NOS3: variants seen among roughly 807,000 people sequenced by gnomAD.
The protein encoded by NOS3 is NOS type III.
Under a neutral mutation model 144.9 loss-of-function variants are expected in NOS3, and 98 were observed. The observed-to-expected ratio is 0.68, with a 90% CI of 0.57 to 0.80. The LOEUF (loss-of-function observed/expected upper bound fraction) is 0.80, where lower values mean the gene tolerates loss of function less well. NOS3 is among the 30% of genes least tolerant of loss of function. The probability of loss-of-function intolerance (pLI) is 0.00; values close to 1 mark genes in which losing one functional copy is unlikely to be tolerated. For synonymous variants in NOS3, 714 were observed against 702.4 expected (o/e 1.02, Z -0.26); for missense variants, 1,465 against 1,656.4 (o/e 0.88, Z 2.01).
chr7:150,994,391 A>G (rs1012458416), intron 2 of NOS3, among the ~76,000 whole-genome samples: 2 of 152,226 alleles, frequency 1.3e-5, no homozygotes, highest in African/African-American at 2.4e-5. Flanking sequence ...CAGTGGTTAC[A>G]GGAGTGAGAA....
At position 151,002,282 on chromosome 7, in the gene NOS3, G is replaced by T; in HGVS notation, c.1730G>T (p.Gly577Val). Residue 577 changes from glycine to valine, a missense_variant, in exon 14 of 27, where the codon GGG becomes GTG. By Grantham distance (109) the Gly-to-Val change is moderately radical. Around this residue, in one of 5 missense-constraint regions of NOS3, gnomAD observed 745 missense variants for 853.9 expected, o/e 0.87. Coordinates refer to ENST00000297494, the MANE Select transcript of NOS3 (RefSeq NM_000603.5). The surrounding 1 kb of genome is among the most constrained non-coding windows in gnomAD (Gnocchi z 4.1). ...VLVVTSTFGN[G>V]DPPENGESFA... is the part of the protein sequence containing the mutation. Reference sequence around the variant, plus strand: ...GTGGTAACCAGCACATTTGGGAATGGGGATCCCCCGGAGAATGGAGAGGTG... The same window carrying T: ...GTGGTAACCAGCACATTTGGGAATGTGGATCCCCCGGAGAATGGAGAGGTG... 6.3e-7 allele frequency: 1 copy of T among 1,593,288 alleles called. No individual in the cohort carries two copies. The highest frequency in any genetic ancestry group is 2.3e-5 in the East Asian group (1 of 44,424).
intron 8 of NOS3, 50 bp from the exon 9 acceptor site, chr7:150,999,140 T>C: frequency 6.2e-7 from 1 of 1,611,460 alleles, no homozygotes; most frequent in Non-Finnish European, 8.5e-7. Flanking sequence ...CCTGAGCCTC[T>C]CAAGAAGGGC....
Position 151,014,139 on chromosome 7 carries a change from C to A in NOS3, c.3582C>A (p.Asp1194Glu), listed in dbSNP as rs1287925360. 1 of 1,610,904 alleles carries A rather than the reference C, an allele frequency of 6.2e-7. No homozygotes were observed. The highest frequency in any genetic ancestry group is 8.5e-7 in the Non-Finnish European group (1 of 1,178,178). Residue 1194 changes from aspartate to glutamate, a missense_variant, in exon 27 of 27, where the codon GAC becomes GAA. Asp to Glu is a conservative substitution (Grantham distance 45, BLOSUM62 2). Coordinates refer to ENST00000297494, the MANE Select transcript of NOS3 (RefSeq NM_000603.5). ...GGGGCGCAGTGCCCTGGGCGTTCGA[C>A]CCTCCCGGCTCAGACACCAACAGCC... Reference protein sequence around the residue: ...QLRGAVPWAFDPPGSDTNSP With the variant: ...QLRGAVPWAFEPPGSDTNSP
intron 24 of NOS3, 75 bp from the exon 25 acceptor site, chr7:151,013,156 A>T (rs1795343481): frequency 2.0e-6 from 3 of 1,505,368 alleles, no homozygotes; most frequent in Non-Finnish European, 1.8e-6. Flanking sequence ...AGGCTGGGCG[A>T]CGGTGGCCTG....
chr7:151,009,543 A>C lies in NOS3; in HGVS notation c.2470A>C (p.Thr824Pro), dbSNP rs1461865068. 1 of 1,544,322 alleles carries C rather than the reference A, an allele frequency of 6.5e-7. No homozygotes were observed. Among genetic ancestry groups the C allele is most frequent in the Non-Finnish European group, 8.7e-7 (1 of 1,145,512 alleles). ...LSRVEDPPAP[T>P]EPVAVEQLEK... ...CCGCGTGGAGGACCCGCCGGCGCCCACTGAGCCCGTGGCAGTAGAGCAGCT... is the reference window on the plus strand; with the variant it reads ...CCGCGTGGAGGACCCGCCGGCGCCCCCTGAGCCCGTGGCAGTAGAGCAGCT... Residue 824 changes from threonine (T) to proline (P), a missense_variant, in exon 20 of 27, where the codon ACT (threonine) becomes CCT (proline). Transcript: ENST00000297494.
chr7:151,001,420 T>C lies in NOS3; in HGVS notation c.1423T>C (p.Tyr475His). 6.3e-7 allele frequency: 1 copy of C among 1,587,078 alleles called. No individual in the cohort carries two copies. Among genetic ancestry groups the C allele is most frequent in the Non-Finnish European group, 8.6e-7 (1 of 1,164,952 alleles). ...CTATTTCCTGTCCCCGGCCTTCCGC[T>C]ACCAGGTGCCCACCCTAACTGGCTC... Reference protein sequence around the residue: ...VNYFLSPAFRYQPDPWKGSAA... With the variant: ...VNYFLSPAFRHQPDPWKGSAA... Residue 475 changes from tyrosine (Y) to histidine (H), a missense_variant, in exon 11 of 27, where the codon TAC becomes CAC. Physicochemically the swap from Tyr to His is moderately conservative, Grantham distance 83. Transcript: ENST00000297494.
intron 4 of NOS3, 23 bp from the exon 5 acceptor site, chr7:150,996,740 C>T: frequency 6.2e-7 from 1 of 1,609,844 alleles, no homozygotes; most frequent in Non-Finnish European, 8.5e-7. Flanking sequence ...TGCTTGTCCC[C>T]TTCCCACCCC....
intron 17 of NOS3, among the ~76,000 whole-genome samples, chr7:151,008,522 T>C (rs1008140): frequency 0.067 from 10,208 of 152,258 alleles, 770 homozygotes; most frequent in African/African-American, 0.18. Context: ...TTACATAAAG[T>C]ATCTCATTTA....
Position 151,013,676 on chromosome 7 carries a change from C to G in NOS3, c.3256-48C>G, listed in dbSNP as rs761691385. 1.3e-5 allele frequency: 19 copies of G among 1,454,330 alleles called. No individual in the cohort carries two copies. The Admixed American group carries it at 3.1e-4, about 24-fold the overall frequency. The allele number at this position is 1,454,330 out of a possible 1,614,324, so 90.1% of individuals were successfully genotyped here. On this transcript the variant is annotated intron_variant, in intron 25 of 26. Coordinates refer to ENST00000297494, the MANE Select transcript of NOS3 (RefSeq NM_000603.5). ...CCAGCCAGCAGCCCCGGGCTGCGCCCCCGCGCCCACCCCCACCAGGGCCCG... is the reference window on the plus strand; with the variant it reads ...CCAGCCAGCAGCCCCGGGCTGCGCCGCCGCGCCCACCCCCACCAGGGCCCG...
At position 151,010,715 on chromosome 7, in the gene NOS3, T is replaced by C; in HGVS notation, c.2804T>C (p.Leu935Pro). The change falls in exon 22 of 27, where the codon CTC (leucine) becomes CCC (proline). Residue 935 changes from leucine (L) to proline (P), a missense_variant. Transcript: ENST00000297494. ...CTGCTCCTCACCCAGCTGCCTCTGC[T>C]CCAGCCCCGGTACTACTCAGTCAGC... ...APLLLTQLPL[L>P]QPRYYSVSSA... 1 of 1,612,874 alleles carries C rather than the reference T, an allele frequency of 6.2e-7. No homozygotes were observed. Among genetic ancestry groups the C allele is most frequent in the East Asian group, 2.2e-5 (1 of 44,824 alleles).
At position 151,013,231 on chromosome 7, in the gene NOS3, G is replaced by A. The variant is rs1325241800; in HGVS notation, c.3107G>A (p.Gly1036Glu). Residue 1036 changes from glycine (G) to glutamate (E), a missense_variant and splice_region_variant, in exon 25 of 27, where the codon GGG (glycine) becomes GAG (glutamate). Physicochemically the swap from Gly to Glu is moderately conservative, Grantham distance 98. Transcript: ENST00000297494. Reference sequence around the variant, plus strand: ...TTCCCAAGCGCGGGGTTGCTTGCAGGGCTGCAGCCCACTCCCATGACTTTG... The same window carrying A: ...TTCCCAAGCGCGGGGTTGCTTGCAGAGCTGCAGCCCACTCCCATGACTTTG... ...QERLHDIESK[G>E]LQPTPMTLVF... is the part of the protein sequence containing the mutation. 2.5e-6 allele frequency: 4 copies of A among 1,612,056 alleles called. No individual in the cohort carries two copies. Among genetic ancestry groups the A allele is most frequent in the Non-Finnish European group, 3.4e-6 (4 of 1,178,984 alleles).
rs1795387940 is a variant in NOS3, at chr7:151,014,185, C to A, written c.*16C>A. On this transcript the variant is annotated 3_prime_UTR_variant, in exon 27 of 27. Transcript: ENST00000297494. The stretch of plus-strand genomic sequence containing the variant: ...CAGCCCCTGAGAGCCGCCTGGCTTT[C>A]CCTTCCAGTTCCGGGAGAGCGGCTG... 4 of 1,589,926 alleles carry A rather than the reference C, an allele frequency of 2.5e-6. No individual in the cohort carries two copies. The highest frequency in any genetic ancestry group is 1.7e-5 in the Admixed American group (1 of 59,276).
At position 151,001,801 on chromosome 7, in the gene NOS3, C is replaced by T; in HGVS notation, c.1503-20C>T. On this transcript the variant is annotated intron_variant, in intron 12 of 26. Coordinates refer to ENST00000297494, the MANE Select transcript of NOS3 (RefSeq NM_000603.5). The stretch of plus-strand genomic sequence containing the variant: ...TGCCTCTGTGCACCCAGGACACCCT[C>T]ACACCTTCCTCTCCCGCAGCGCCGT... The T allele has an allele frequency of 6.2e-7, 1 of 1,613,464 alleles. No individual in the cohort carries two copies. Among genetic ancestry groups the T allele is most frequent in the Non-Finnish European group, 8.5e-7 (1 of 1,179,936 alleles).
chr7:151,003,545 TAGCATAAA>T lies in NOS3; in HGVS notation c.1752+1242_1752+1249del. On this transcript the variant is annotated intron_variant, in intron 14 of 26. Coordinates refer to ENST00000297494, the MANE Select transcript of NOS3 (RefSeq NM_000603.5). The surrounding 1 kb of genome is among the most constrained non-coding windows in gnomAD (Gnocchi z 4.1). Reference sequence around the variant, plus strand: ...ATAGCACCAGCAATTGACTTTTTTTTAGCATAAAGGTGTATAGACACCCATATAACCTA... The same window carrying T: ...ATAGCACCAGCAATTGACTTTTTTTTGGTGTATAGACACCCATATAACCTA... 1 of 1,272,396 alleles carries T rather than the reference TAGCATAAA, an allele frequency of 7.9e-7. No individual in the cohort carries two copies. The highest frequency in any genetic ancestry group is 1.3e-5 in the South Asian group (1 of 76,752). 78.8% of individuals were successfully genotyped at this position (1,272,396 alleles called of 1,614,324 possible).
intron 11 of NOS3, 27 bp from the exon 12 acceptor site, chr7:151,001,517 C>A: frequency 6.2e-7 from 1 of 1,612,082 alleles, no homozygotes; most frequent in Non-Finnish European, 8.5e-7. Context: ...CTTTACCTCC[C>A]CTCCCAACCC....
rs1275154657 is a variant in NOS3, at chr7:151,003,331, G to A, written c.1752+1027G>A. On this transcript the variant is annotated intron_variant, in intron 14 of 26. Coordinates refer to ENST00000297494, the MANE Select transcript of NOS3 (RefSeq NM_000603.5). This position sits in a 1 kb window ranked among gnomAD's most constrained non-coding sequence, Gnocchi z 4.1. ...TATAGAGATGGGGTTTCGCCATGTT[G>A]CCCAGGCTGGTCTCTAACTCCTGGG... The A allele has an allele frequency of 4.0e-6, 3 of 753,962 alleles. No individual in the cohort carries two copies. The highest frequency in any genetic ancestry group is 5.9e-6 in the Non-Finnish European group (3 of 505,826). The allele number at this position is 753,962 out of a possible 1,614,324, so 46.7% of individuals were successfully genotyped here.
rs752737602 is a variant in NOS3, at chr7:151,001,416, C to G, written c.1419C>G (p.Phe473Leu). The G allele has an allele frequency of 1.6e-5, 25 of 1,587,582 alleles. No homozygotes were observed. In the Admixed American group the frequency reaches 4.3e-4, roughly 27 times the overall value. The change falls in exon 11 of 27, where the codon TTC becomes TTG. Residue 473 changes from phenylalanine to leucine, a missense_variant. By Grantham distance (22) the Phe-to-Leu change is conservative. Transcript: ENST00000297494. The stretch of plus-strand genomic sequence containing the variant: ...TCAACTATTTCCTGTCCCCGGCCTT[C>G]CGCTACCAGGTGCCCACCCTAACTG... Reference protein sequence around the residue: ...EMVNYFLSPAFRYQPDPWKGS... With the variant: ...EMVNYFLSPALRYQPDPWKGS...
chr7:151,011,811 A>C lies in NOS3; in HGVS notation c.2985-540A>C, dbSNP rs1184199980. ...AGTCTTGGGATTACAGGTGTGAGCCACCGCGCCCGGACCGAGGGTGAAGGA... is the reference window on the plus strand; with the variant it reads ...AGTCTTGGGATTACAGGTGTGAGCCCCCGCGCCCGGACCGAGGGTGAAGGA... On this transcript the variant is annotated intron_variant, in intron 23 of 26. Coordinates refer to ENST00000297494, the MANE Select transcript of NOS3 (RefSeq NM_000603.5). 1.1e-5 allele frequency: 5 copies of C among 442,270 alleles called. No homozygotes were observed. In the East Asian group the frequency reaches 3.9e-4, roughly 34 times the overall value. The allele number at this position is 442,270 out of a possible 1,614,324, so 27.4% of individuals were successfully genotyped here. A position where few individuals can be genotyped will look rare whatever the true frequency, so the allele number is the denominator to read the frequency against.
intron 8 of NOS3, 33 bp from the exon 9 acceptor site, chr7:150,999,157 G>T: frequency 6.2e-7 from 1 of 1,610,700 alleles, no homozygotes; most frequent in Non-Finnish European, 8.5e-7. Flanking sequence ...GGGCCTGCAA[G>T]GGGGTGCTGA....
Sources: allele counts gnomAD v4.1 joint callset (sites outside exome capture counted in the v4.1 genomes callset), GRCh38; gene constraint gnomAD v4.1.1; regional missense constraint gnomAD v4.1.1; non-coding constraint Gnocchi (gnomAD v3.1); transcripts MANE v1.5; gene names NCBI Gene and HGNC (gene_info 2026-07-23, HGNC 2026-07-21).